PKIB: variants seen among roughly 807,000 people sequenced by gnomAD.
PKIB encodes the protein PKI-beta.
PKIB carries 2 observed loss-of-function variants against 4.5 expected under a neutral mutation model. That is an observed-to-expected ratio of 0.44 (90% CI 0.18 to 1.39). The LOEUF is 1.39. Ranked by LOEUF, PKIB falls within the 40% of genes most tolerant of loss-of-function variation. The pLI is 0.27. For missense variants in PKIB, 94 were observed against 92.6 expected (o/e 1.02, Z -0.06); for synonymous variants, 38 against 36.0 (o/e 1.06, Z -0.20).
chr6:122,649,278 T>C (rs1012479699), intron 2 of PKIB, among the ~76,000 whole-genome samples: 6 of 152,132 alleles, frequency 3.9e-5, no homozygotes, highest in African/African-American at 1.4e-4. Flanking sequence ...TCCTTCCAAG[T>C]AGAATGAACA....
intron 3 of PKIB, among the ~76,000 whole-genome samples, chr6:122,690,923 TATATATA>T (rs1778312383): frequency 1.1e-5 from 1 of 90,142 alleles, no homozygotes; most frequent in Non-Finnish European, 2.3e-5. Flanking sequence ...AGGATATATA[TATATATA>T]TATTTTTTTT....
At chr6:122,601,981 T>G (rs1774384124) in intron 3 of PKIB, among the ~76,000 whole-genome samples, 1 of 151,322 alleles carries the variant, frequency 6.6e-6, no homozygotes, top group Non-Finnish European at 1.5e-5. Context: ...TTTCTTTCCT[T>G]CCAAGCTCTT....
chr6:122,615,060 A>G lies in PKIB; in HGVS notation c.-161+4525A>G, dbSNP rs377760942. On this transcript the variant is annotated intron_variant, in intron 1 of 4. Transcript: ENST00000368452. ...CACTCCAAGGGTTTGCAAAAAGTCT[A>G]TCAAGCCAAAATTTATAAACGCCAG... is the stretch of plus-strand genomic sequence containing the variant. Among the ~76,000 whole-genome samples, 100 of 152,290 alleles carry G rather than the reference A, an allele frequency of 6.6e-4. 1 individual carries two copies. In the South Asian group the frequency reaches 0.02, roughly 30 times the overall value.
At chr6:122,627,070 T>TAAA (rs60344840) in intron 1 of PKIB, among the ~76,000 whole-genome samples, 3 of 108,318 alleles carry the variant, frequency 2.8e-5, no homozygotes, top group African/African-American at 1.1e-4. Context: ...CCGTCTCTAC[T>TAAA]AAAAAAAAAA....
chr6:122,587,337 C>G (rs1773880947), intron 3 of PKIB, among the ~76,000 whole-genome samples: 1 of 152,138 alleles, frequency 6.6e-6, no homozygotes. Context: ...TCATCCATGT[C>G]CCTACAAAGG....
intron 1 of PKIB, among the ~76,000 whole-genome samples, chr6:122,628,686 G>C (rs997341919): frequency 1.3e-5 from 2 of 151,550 alleles, no homozygotes; most frequent in Admixed American, 1.3e-4. Context: ...TACTTTATTG[G>C]ACTGCACCCC....
rs572082576 is a variant in PKIB at position 122,514,639 on chromosome 6, T to C, written c.-248+36700T>C. On this transcript the variant is annotated intron_variant, in intron 2 of 6. Transcript: ENST00000392491. ...AGCTTCAGGGCCTTGACCAGTCTCC[T>C]TTCCATAGATACCAAGATAGGAAAT... Among the ~76,000 whole-genome samples, 8 of 152,368 alleles carry C rather than the reference T, an allele frequency of 5.3e-5. No individual in the cohort carries two copies. In the South Asian group the frequency reaches 1.7e-3, roughly 32 times the overall value.
chr6:122,502,546 A>T (rs1776272854), intron 2 of PKIB, among the ~76,000 whole-genome samples: 1 of 151,872 alleles, frequency 6.6e-6, no homozygotes, highest in African/African-American at 2.4e-5. Context: ...AGTGCTACAC[A>T]CTTTTAAATA....
At chr6:122,616,425 T>A (rs543996242) in intron 1 of PKIB, among the ~76,000 whole-genome samples, 1 of 152,276 alleles carries the variant, frequency 6.6e-6, no homozygotes, top group African/African-American at 2.4e-5. Flanking sequence ...TCAGCTAGTG[T>A]CCAGTAGTCC....
chr6:122,620,659 G>A (rs1409215841), intron 1 of PKIB, among the ~76,000 whole-genome samples: 1 of 152,192 alleles, frequency 6.6e-6, no homozygotes, highest in Non-Finnish European at 1.5e-5. Flanking sequence ...GTGGCTTTGT[G>A]ACACTATGCC....
rs71021419 is a variant in PKIB, at chr6:122,703,941, TAGAG to T, written c.-8-13816_-8-13813del. Among the ~76,000 whole-genome samples the T allele has an allele frequency of 1.0e-2, 903 of 90,706 alleles. 16 individuals are homozygous for T. The highest frequency in any genetic ancestry group is 0.089 in the East Asian group (385 of 4,328). The allele number at this position is 90,706 out of a possible 152,430, so 59.5% of individuals were successfully genotyped here. ...ATGTGTGTATATATATATATATATA[TAGAG>T]AGAGAGAGAGAGAGAGAGAGAGAGA... On this transcript the variant is annotated intron_variant, in intron 3 of 4. Coordinates refer to ENST00000368452, the MANE Select transcript of PKIB (RefSeq NM_181795.3).
Position 122,523,463 on chromosome 6 carries a change from G to T in PKIB, c.-248+45524G>T, listed in dbSNP as rs142738991. Reference sequence around the variant, plus strand: ...AGTGGGAAGTACTTGAATCACAGAGGTGGGATTTTTTTTGTGCTGTTCTCA... The same window carrying T: ...AGTGGGAAGTACTTGAATCACAGAGTTGGGATTTTTTTTGTGCTGTTCTCA... On this transcript the variant is annotated intron_variant, in intron 2 of 6. Transcript: ENST00000392491. 3.5e-3 allele frequency among the ~76,000 whole-genome samples: 536 copies of T among 152,254 alleles called. 3 individuals are homozygous for T. Among genetic ancestry groups the T allele is most frequent in the African/African-American group, 0.011 (474 of 41,552 alleles).
At chr6:122,669,851 A>G (rs1777383184) in intron 2 of PKIB, among the ~76,000 whole-genome samples, 1 of 152,024 alleles carries the variant, frequency 6.6e-6, no homozygotes, top group African/African-American at 2.4e-5. Context: ...CATTTTGTAA[A>G]TTCTTTTTAT....
intron 2 of PKIB, among the ~76,000 whole-genome samples, chr6:122,500,122 C>T (rs1407565221): frequency 6.6e-6 from 1 of 152,094 alleles, no homozygotes; most frequent in African/African-American, 2.4e-5. Context: ...GCCATACTTC[C>T]CAGAGAAATC....
chr6:122,685,982 A>G (rs1184511088), intron 3 of PKIB, among the ~76,000 whole-genome samples: 1 of 152,222 alleles, frequency 6.6e-6, no homozygotes, highest in Non-Finnish European at 1.5e-5. Flanking sequence ...TGCAAACGAC[A>G]GTATCTCATT....
At chr6:122,557,931 A>G (rs1392535444) in intron 2 of PKIB, among the ~76,000 whole-genome samples, 1 of 152,180 alleles carries the variant, frequency 6.6e-6, no homozygotes, top group Non-Finnish European at 1.5e-5. Context: ...CACTTATAGT[A>G]ACCCTACTTC....
intron 1 of PKIB, among the ~76,000 whole-genome samples, chr6:122,629,774 C>A (rs1045399846): frequency 6.6e-5 from 10 of 152,226 alleles, no homozygotes; most frequent in African/African-American, 2.4e-4. Context: ...AAACACCAGG[C>A]AAATCCCAAT....
intron 3 of PKIB, among the ~76,000 whole-genome samples, chr6:122,599,973 ATATATCTATATC>A (rs72488702): frequency 0.24 from 35,128 of 146,808 alleles, 4,768 homozygotes; most frequent in Middle Eastern, 0.36. Flanking sequence ...AACTAATAGG[ATATATCTATATC>A]TATATCTATA....
chr6:122,522,720 C>T (rs951663616), intron 2 of PKIB, among the ~76,000 whole-genome samples: 3 of 152,170 alleles, frequency 2.0e-5, no homozygotes, highest in African/African-American at 7.2e-5. Context: ...CCTGCTTCTG[C>T]TCACCCTCCG....
Sources: gnomAD v4.1 joint callset for allele counts (sites outside exome capture counted in the v4.1 genomes callset) on GRCh38, gnomAD v4.1.1 for gene constraint, MANE v1.5 for transcripts, NCBI Gene and HGNC (gene_info 2026-07-23, HGNC 2026-07-21) for gene names.